C3: variants seen among roughly 807,000 people sequenced by gnomAD.
C3 encodes C3 and PZP-like alpha-2-macroglobulin domain-containing protein 1.
C3 carries 97 observed loss-of-function variants against 207.9 expected under a neutral mutation model. That is an observed-to-expected ratio of 0.47 (90% CI 0.40 to 0.55). C3 has a LOEUF of 0.55. Ranked by LOEUF, C3 falls within the 20% of genes least tolerant of loss-of-function variation. The pLI is 0.00. For synonymous variants in C3, 848 were observed against 857.6 expected, an observed-to-expected ratio of 0.99 and a Z score of 0.20; for missense variants, 1,684 against 2,171.7, an observed-to-expected ratio of 0.78 and a Z score of 4.46.
intron 28 of C3, 54 bp downstream of exon 28, chr19:6,686,692 C>G: frequency 6.3e-7 from 1 of 1,575,038 alleles, no homozygotes; most frequent in Non-Finnish European, 8.7e-7. Flanking sequence ...TCAGTATCTC[C>G]CGCCCTGAAC....
intron 4 of C3, chr19:6,717,565 TTGTGTTTTGTGTGTG>T (rs1968059019): frequency 4.1e-6 from 1 of 244,898 alleles, no homozygotes; most frequent in Non-Finnish European, 8.2e-6. Flanking sequence ...TGTGTGTGTG[TTGTGTTTTGTGTGTG>T]TTGTGTGTGT....
chr19:6,714,297 C>T, intron 5 of C3, 49 bp from the exon 6 acceptor site: 4 of 1,606,138 alleles, frequency 2.5e-6, no homozygotes, highest in Non-Finnish European at 3.4e-6. Flanking sequence ...AGCCCCCCTG[C>T]TCCCTCTCCG....
chr19:6,705,188 GC>G lies in C3; in HGVS notation c.2245+1887del, dbSNP rs557794578. Among the ~76,000 whole-genome samples the G allele has an allele frequency of 2.5e-3, 383 of 152,276 alleles. 3 individuals are homozygous for G. The highest frequency in any genetic ancestry group is 8.7e-3 in the African/African-American group (362 of 41,556). ...TTACACAATTCTGGAGAAAAGTACA[GC>G]CCACCATCCATGTGGATGTAAACCA... On this transcript the variant is annotated intron_variant, in intron 17 of 40. Transcript: ENST00000245907.
chr19:6,710,741 G>C lies in C3; in HGVS notation c.1584C>G (p.Ser528=), dbSNP rs148714623. The C allele has an allele frequency of 1.2e-6, 2 of 1,613,756 alleles. No individual in the cohort carries two copies. The highest frequency in any genetic ancestry group is 1.7e-6 in the Non-Finnish European group (2 of 1,180,018). The part of the protein sequence containing the change: ...PLSITTDFIP[S]FRLVAYYTLI... ...GCGTGTAGTACGCCACCAGGCGGAA[G>C]GAAGGGATGAAGTCGGTGGTGATGG... The change falls in exon 13 of 41, where the codon TCC becomes TCG. Residue 528 remains serine (S), a synonymous_variant. Coordinates refer to ENST00000245907, the MANE Select transcript of C3 (RefSeq NM_000064.4).
intron 39 of C3, 22 bp downstream of exon 39, chr19:6,678,350 G>T: frequency 1.2e-6 from 2 of 1,614,142 alleles, no homozygotes; most frequent in Non-Finnish European, 1.7e-6. Flanking sequence ...AGAGCCACGG[G>T]AGGCAGCGTG....
At position 6,713,306 on chromosome 19, in the gene C3, C is replaced by T; in HGVS notation, c.886G>A (p.Gly296Ser). 1 of 1,613,776 alleles carries T rather than the reference C, an allele frequency of 6.2e-7. No individual in the cohort carries two copies. Among genetic ancestry groups the T allele is most frequent in the Non-Finnish European group, 8.5e-7 (1 of 1,179,976 alleles). Residue 296 changes from glycine to serine, a missense_variant, in exon 9 of 41, where the codon GGC becomes AGC. By Grantham distance (56) the Gly-to-Ser change is moderately conservative. This residue lies in a region of C3 where 1,280 missense variants were observed against 1,739.1 expected (regional missense o/e 0.74). Transcript: ENST00000245907. ...ESLKRIPIEDGSGEVVLSRKV... is the reference protein window; with the variant it reads ...ESLKRIPIEDSSGEVVLSRKV... The stretch of plus-strand genomic sequence containing the variant: ...CGGCTCAGCACAACCTCCCCCGAGC[C>T]ATCCTCAATCTGAGAAGGGAGAGGA...
chr19:6,718,664 CAGAA>C (rs1055937966), intron 2 of C3, among the ~76,000 whole-genome samples: 6 of 130,414 alleles, frequency 4.6e-5, no homozygotes, highest in African/African-American at 1.8e-4. Flanking sequence ...GGCGGGGACT[CAGAA>C]AGGGAAGGGG....
chr19:6,677,880 G>C lies in C3; in HGVS notation c.*2C>G. ...ATCTGGAGTGGGGGAATGGGGGTGT[G>C]GTCAGTTGGGGCACCCAAAGACAAC... On this transcript the variant is annotated 3_prime_UTR_variant, in exon 41 of 41. Transcript: ENST00000245907. 6.2e-7 allele frequency: 1 copy of C among 1,613,894 alleles called. No homozygotes were observed. The highest frequency in any genetic ancestry group is 8.5e-7 in the Non-Finnish European group (1 of 1,180,004).
In C3 at chr19:6,711,020, G is replaced by A. The variant is rs1967912026; in HGVS notation, c.1446C>T (p.Ala482=). ...NVNFLLRMDR[A]HEAKIRYYTY... ...TGTAGTAGCGGATCTTGGCCTCGTGGGCGCGGTCCATTCGCAGGAGGAAGT... is the reference window on the plus strand; with the variant it reads ...TGTAGTAGCGGATCTTGGCCTCGTGAGCGCGGTCCATTCGCAGGAGGAAGT... The change falls in exon 12 of 41, where the codon GCC becomes GCT. Residue 482 remains alanine, a synonymous_variant. Coordinates refer to ENST00000245907, the MANE Select transcript of C3 (RefSeq NM_000064.4). The A allele has an allele frequency of 6.2e-7, 1 of 1,614,024 alleles. No homozygotes were observed. The highest frequency in any genetic ancestry group is 8.5e-7 in the Non-Finnish European group (1 of 1,180,026).
chr19:6,709,837 C>T lies in C3; in HGVS notation c.1692G>A (p.Val564=), dbSNP rs2230204. 0.32 allele frequency: 513,525 copies of T among 1,612,958 alleles called. 86,070 individuals carry two copies. Among genetic ancestry groups the T allele is most frequent in the African/African-American group, 0.53 (39,376 of 74,736 alleles). ...GGTCTTCTGACTGGCCGCTTTTTACCACCAGCTGTGGGGAGGGTGGAGACG... is the reference window on the plus strand; with the variant it reads ...GGTCTTCTGACTGGCCGCTTTTTACTACCAGCTGTGGGGAGGGTGGAGACG... ...DVKDSCVGSL[V]VKSGQSEDRQ... The change falls in exon 14 of 41, where the codon GTG becomes GTA. Residue 564 remains valine, a synonymous_variant. Transcript: ENST00000245907.
At chr19:6,684,962 A>G in intron 30 of C3, 26 bp downstream of exon 30, 1 of 1,613,124 alleles carries the variant, frequency 6.2e-7, no homozygotes, top group Admixed American at 1.7e-5. Context: ...AGCCAGAGTG[A>G]GGAGGGCTTG....
chr19:6,715,727 T>C (rs1321983812), intron 4 of C3, among the ~76,000 whole-genome samples: 1 of 149,970 alleles, frequency 6.7e-6, no homozygotes, highest in Non-Finnish European at 1.5e-5. Flanking sequence ...GTTCACACCA[T>C]TCTCCTGCCT....
At chr19:6,693,508 C>A in intron 24 of C3, 21 bp from the exon 25 acceptor site, 2 of 1,606,222 alleles carry the variant, frequency 1.2e-6, no homozygotes, top group Non-Finnish European at 1.7e-6. Flanking sequence ...GAGAGAGGAA[C>A]CCCCAAAAGA....
In C3 at chr19:6,681,930, T is replaced by C. The variant is rs2089804883; in HGVS notation, c.4350+11A>G. On this transcript the variant is annotated intron_variant, in intron 35 of 40. Transcript: ENST00000245907. The stretch of plus-strand genomic sequence containing the variant: ...CTGGAAGCCTCCCAGGGGAGGATGA[T>C]GCAGCCTTACCTTGTCCAGGTAGAT... 2 of 1,608,524 alleles carry C rather than the reference T, an allele frequency of 1.2e-6. No individual in the cohort carries two copies. Among genetic ancestry groups the C allele is most frequent in the African/African-American group, 2.7e-5 (2 of 74,778 alleles).
Position 6,684,807 on chromosome 19 carries a change from T to C in C3, c.3997A>G (p.Thr1333Ala). Residue 1333 changes from threonine to alanine, a missense_variant, in exon 31 of 41, where the codon ACA (threonine) becomes GCA (alanine). Physicochemically the swap from Thr to Ala is moderately conservative, Grantham distance 58. Transcript: ENST00000245907. ...ETKENEGFTVTAEGKGQGTLS... is the reference protein window; with the variant it reads ...ETKENEGFTVAAEGKGQGTLS... ...GTGCCTTGGCCTTTTCCTTCAGCTGTGACTGTGAAACCCTCATTTTCCTTG... is the reference window on the plus strand; with the variant it reads ...GTGCCTTGGCCTTTTCCTTCAGCTGCGACTGTGAAACCCTCATTTTCCTTG... The C allele has an allele frequency of 1.2e-6, 2 of 1,614,192 alleles. No homozygotes were observed. The highest frequency in any genetic ancestry group is 1.7e-6 in the Non-Finnish European group (2 of 1,180,032).
In C3 at chr19:6,678,169, G is replaced by A. The variant is rs3189774; in HGVS notation, c.4833C>T (p.Phe1611=). The change falls in exon 40 of 41, where the codon TTC becomes TTT. Residue 1611 remains phenylalanine (F), a synonymous_variant. Coordinates refer to ENST00000245907, the MANE Select transcript of C3 (RefSeq NM_000064.4). ...HYLMWGLSSD[F]WGEKPNLSYI... ...GCACTCACTTGGGCTTCTCTCCCCA[G>A]AAATCGGAGGAGAGACCCCACATGA... is the stretch of plus-strand genomic sequence containing the variant. 4 of 1,614,230 alleles carry A rather than the reference G, an allele frequency of 2.5e-6. No individual in the cohort carries two copies. The South Asian group carries it at 4.4e-5, about 18-fold the overall frequency.
chr19:6,693,987 G>A (rs1918236946), intron 24 of C3, among the ~76,000 whole-genome samples: 1 of 133,636 alleles, frequency 7.5e-6, no homozygotes, highest in South Asian at 2.5e-4. Context: ...CTCAGGGGAT[G>A]GGCATGGCCT....
At chr19:6,703,647 G>C (rs190753607) in intron 17 of C3, among the ~76,000 whole-genome samples, 5 of 152,002 alleles carry the variant, frequency 3.3e-5, no homozygotes, top group African/African-American at 7.3e-5. Context: ...ATGTGCATGT[G>C]GCTCTAAAGG....
intron 17 of C3, among the ~76,000 whole-genome samples, chr19:6,706,609 A>C (rs1270756811): frequency 7.2e-6 from 1 of 139,434 alleles, no homozygotes; most frequent in Non-Finnish European, 1.6e-5. Context: ...GCCTCCTCCT[A>C]CCCTCTCAGA....
Sources: allele counts gnomAD v4.1 joint callset (sites outside exome capture counted in the v4.1 genomes callset), GRCh38; gene constraint gnomAD v4.1.1; regional missense constraint gnomAD v4.1.1; transcripts MANE v1.5; gene names NCBI Gene and HGNC (gene_info 2026-07-23, HGNC 2026-07-21).